Variants in ERC2 observed in about 807,000 individuals in gnomAD.
ERC2 encodes the protein ERC protein 2.
ERC2 carries 42 observed loss-of-function variants against 114.8 expected under a neutral mutation model. That is an observed-to-expected ratio of 0.37 (90% CI 0.29 to 0.47). The LOEUF (loss-of-function observed/expected upper bound fraction) is 0.47, where lower values mean the gene tolerates loss of function less well. Among genes scored for constraint, ERC2 ranks in the 20% least tolerant of loss-of-function variants. The pLI is 0.99. For missense variants in ERC2, 939 were observed against 1,150.7 expected, an observed-to-expected ratio of 0.82 and a Z score of 2.66; for synonymous variants, 454 against 425.5, an observed-to-expected ratio of 1.07 and a Z score of -0.82.
At chr3:56,094,376 A>G (rs1304822281) in intron 6 of ERC2, among the ~76,000 whole-genome samples, 1 of 152,164 alleles carries the variant, frequency 6.6e-6, no homozygotes, top group Admixed American at 6.5e-5. Flanking sequence ...AGGTGAAAAC[A>G]GTGGAGCTTT....
intron 8 of ERC2, among the ~76,000 whole-genome samples, chr3:56,016,713 G>T (rs973121888): frequency 1.3e-5 from 2 of 152,038 alleles, no homozygotes; most frequent in South Asian, 4.2e-4. Flanking sequence ...AAACCCATGG[G>T]CATTTAATCT....
intron 11 of ERC2, among the ~76,000 whole-genome samples, chr3:55,989,492 T>C (rs2070889953): frequency 6.6e-6 from 1 of 152,158 alleles, no homozygotes; most frequent in African/African-American, 2.4e-5. Flanking sequence ...AATAAAGAGG[T>C]AGATCTCTTG....
At chr3:55,670,318 T>C (rs2061508357) in intron 17 of ERC2, among the ~76,000 whole-genome samples, 2 of 152,094 alleles carry the variant, frequency 1.3e-5, no homozygotes, top group African/African-American at 4.8e-5. Context: ...TGAAATAAGA[T>C]GTGAGAAGAA....
chr3:55,920,967 G>C (rs2065393073), intron 13 of ERC2, among the ~76,000 whole-genome samples: 2 of 152,076 alleles, frequency 1.3e-5, no homozygotes, highest in African/African-American at 4.8e-5. Flanking sequence ...TTCAAACCTA[G>C]GGGGCTAAGT....
chr3:55,988,583 G>A (rs1357750903), intron 11 of ERC2, among the ~76,000 whole-genome samples: 1 of 152,192 alleles, frequency 6.6e-6, no homozygotes, highest in Non-Finnish European at 1.5e-5. Context: ...CCAGTGTCAA[G>A]GTTGTCTGAG....
intron 15 of ERC2, among the ~76,000 whole-genome samples, chr3:55,715,027 C>T (rs1043210677): frequency 2.0e-5 from 3 of 152,016 alleles, no homozygotes; most frequent in Non-Finnish European, 4.4e-5. Context: ...TGAACTACAA[C>T]AGTCCATTCA....
At chr3:56,414,995 C>G (rs548123692) in intron 2 of ERC2, among the ~76,000 whole-genome samples, 1 of 152,362 alleles carries the variant, frequency 6.6e-6, no homozygotes, top group East Asian at 1.9e-4. Flanking sequence ...TTAGCTCCAG[C>G]TCACTGGGCT....
chr3:55,632,092 G>A (rs2059778659), intron 17 of ERC2, among the ~76,000 whole-genome samples: 1 of 152,230 alleles, frequency 6.6e-6, no homozygotes, highest in Admixed American at 6.5e-5. Context: ...CTGATACTGT[G>A]CTGAGTTACT....
At chr3:56,320,409 CA>C (rs1481607527) in intron 2 of ERC2, among the ~76,000 whole-genome samples, 1 of 152,204 alleles carries the variant, frequency 6.6e-6, no homozygotes, top group African/African-American at 2.4e-5. Flanking sequence ...CAGACAAAAA[CA>C]GCTTACCACT....
At chr3:56,121,164 T>C (rs536546891) in intron 6 of ERC2, among the ~76,000 whole-genome samples, 10 of 152,328 alleles carry the variant, frequency 6.6e-5, no homozygotes, top group South Asian at 2.1e-4. Context: ...TTTTGCAAGA[T>C]TGATATAAAA....
At chr3:55,770,251 A>T (rs892314955) in intron 14 of ERC2, among the ~76,000 whole-genome samples, 1 of 152,212 alleles carries the variant, frequency 6.6e-6, no homozygotes, top group Non-Finnish European at 1.5e-5. Flanking sequence ...ACTGAGCTGT[A>T]GGGGTCACTT....
chr3:55,565,872 A>C (rs2056336344), intron 17 of ERC2, among the ~76,000 whole-genome samples: 1 of 152,366 alleles, frequency 6.6e-6, no homozygotes, highest in African/African-American at 2.4e-5. Flanking sequence ...AGGCACATTC[A>C]ATAGCAACTG....
intron 14 of ERC2, among the ~76,000 whole-genome samples, chr3:55,886,536 C>T (rs2063354594): frequency 6.6e-6 from 1 of 152,122 alleles, no homozygotes; most frequent in East Asian, 1.9e-4. Flanking sequence ...TATAAAAATA[C>T]ATAACTTTAG....
chr3:56,014,544 C>T (rs924712760), intron 8 of ERC2, among the ~76,000 whole-genome samples: 3 of 152,068 alleles, frequency 2.0e-5, no homozygotes, highest in African/African-American at 7.2e-5. Flanking sequence ...TAAAGACAGT[C>T]CAAGGGGCCA....
chr3:56,218,224 T>G (rs971058367), intron 3 of ERC2, among the ~76,000 whole-genome samples: 12 of 152,016 alleles, frequency 7.9e-5, no homozygotes, highest in African/African-American at 2.2e-4. Flanking sequence ...GGGAGAAAAT[T>G]TTTGCAATCT....
chr3:55,638,690 C>T (rs1431563286), intron 17 of ERC2, among the ~76,000 whole-genome samples: 1 of 152,186 alleles, frequency 6.6e-6, no homozygotes, highest in Non-Finnish European at 1.5e-5. Flanking sequence ...AATAAATACA[C>T]AGCATTCAAA....
chr3:56,120,928 C>A (rs980737361), intron 6 of ERC2, among the ~76,000 whole-genome samples: 3 of 152,028 alleles, frequency 2.0e-5, no homozygotes, highest in Non-Finnish European at 4.4e-5. Context: ...ATGTTATATA[C>A]TATAAGGAAG....
In ERC2 at chr3:55,508,932, G is replaced by A. The variant is rs567564439; in HGVS notation, c.*2384C>T. 6.6e-6 allele frequency: 1 copy of A among 152,626 alleles called. No homozygotes were observed. Among genetic ancestry groups the A allele is most frequent in the East Asian group, 1.9e-4 (1 of 5,172 alleles). 9.5% of individuals were successfully genotyped at this position (152,626 alleles called of 1,614,324 possible). A position where few individuals can be genotyped will look rare whatever the true frequency, so the allele number is the denominator to read the frequency against. ...TATGATTAGAAGAAAACCTGTTAAA[G>A]TTTGCGCAAAGGAAATAGCTTCCCA... On this transcript the variant is annotated 3_prime_UTR_variant, in exon 18 of 18. Coordinates refer to ENST00000288221, the MANE Select transcript of ERC2 (RefSeq NM_015576.3).
At chr3:56,168,015 A>G (rs1427313115) in intron 4 of ERC2, among the ~76,000 whole-genome samples, 1 of 152,144 alleles carries the variant, frequency 6.6e-6, no homozygotes, top group Non-Finnish European at 1.5e-5. Context: ...ACAATTTCCA[A>G]AGTAAATGTT....
Sources: allele counts gnomAD v4.1 joint callset (sites outside exome capture counted in the v4.1 genomes callset), GRCh38; gene constraint gnomAD v4.1.1; transcripts MANE v1.5; gene names NCBI Gene and HGNC (gene_info 2026-07-23, HGNC 2026-07-21).